Variants in MUSK observed in about 807,000 individuals in gnomAD.
The protein encoded by MUSK is muscle associated receptor tyrosine kinase.
Under a neutral mutation model 88.7 loss-of-function variants are expected in MUSK, and 55 were observed. The ratio of observed to expected loss-of-function variants is 0.62; its 90% CI spans 0.50 to 0.78. MUSK has a LOEUF of 0.78. Among genes scored for constraint, MUSK ranks in the 30% least tolerant of loss-of-function variants. MUSK has a pLI of 0.00. For missense variants in MUSK, 1,015 were observed against 1,074.3 expected (o/e 0.94, Z 0.77); for synonymous variants, 387 against 391.9 (o/e 0.99, Z 0.15).
At chr9:110,782,861 T>A (rs1416404363) in intron 11 of MUSK, among the ~76,000 whole-genome samples, 1 of 152,172 alleles carries the variant, frequency 6.6e-6, no homozygotes, top group Non-Finnish European at 1.5e-5. Flanking sequence ...TCACTGATCT[T>A]GCGCAGATGT....
intron 5 of MUSK, among the ~76,000 whole-genome samples, chr9:110,703,846 T>C (rs929189438): frequency 6.6e-6 from 1 of 152,156 alleles, no homozygotes; most frequent in African/African-American, 2.4e-5. Flanking sequence ...CTTTCCAGCA[T>C]TGATGAAAGA....
chr9:110,708,636 A>G (rs1052025717), intron 5 of MUSK, among the ~76,000 whole-genome samples: 1 of 152,160 alleles, frequency 6.6e-6, no homozygotes, highest in African/African-American at 2.4e-5. Context: ...AGGGGATATT[A>G]TGGTATATTA....
At chr9:110,739,935 G>A (rs2077075870) in intron 6 of MUSK, among the ~76,000 whole-genome samples, 1 of 152,052 alleles carries the variant, frequency 6.6e-6, no homozygotes, top group Non-Finnish European at 1.5e-5. Flanking sequence ...TGGCTGTAGT[G>A]AACATATATT....
At chr9:110,789,452 T>G (rs1307704344) in intron 14 of MUSK, among the ~76,000 whole-genome samples, 1 of 152,202 alleles carries the variant, frequency 6.6e-6, no homozygotes, top group Non-Finnish European at 1.5e-5. Context: ...AGGAACAGGT[T>G]CCTTTAGTGG....
At position 110,669,126 on chromosome 9, in the gene MUSK, G is replaced by A. The variant is rs2075925046; in HGVS notation, c.79+143G>A. On this transcript the variant is annotated intron_variant, in intron 1 of 14. Transcript: ENST00000374448. Reference sequence around the variant, plus strand: ...AAGGGTGAAATGTATGATGAGGGAGGAAATTATATACATAAGCAATTGGTT... The same window carrying A: ...AAGGGTGAAATGTATGATGAGGGAGAAAATTATATACATAAGCAATTGGTT... 3 of 757,322 alleles carry A rather than the reference G, an allele frequency of 4.0e-6. No homozygotes were observed. The East Asian group carries it at 7.4e-5, about 19-fold the overall frequency. The allele number at this position is 757,322 out of a possible 1,614,324, so 46.9% of individuals were successfully genotyped here. A position where few individuals can be genotyped will look rare whatever the true frequency, so the allele number is the denominator to read the frequency against.
chr9:110,747,702 T>C lies in MUSK; in HGVS notation c.815T>C (p.Leu272Pro), dbSNP rs1157131907. 3.1e-6 allele frequency: 5 copies of C among 1,613,696 alleles called. No individual in the cohort carries two copies. The African/African-American group carries it at 6.7e-5, about 22-fold the overall frequency. Residue 272 changes from leucine to proline, a missense_variant, in exon 7 of 15, where the codon CTG (leucine) becomes CCG (proline). Coordinates refer to ENST00000374448, the MANE Select transcript of MUSK (RefSeq NM_005592.4). ...KDRVIDSRLQ[L>P]FITKPGLYTC... Reference sequence around the variant, plus strand: ...CGAGTGATTGACTCAAGACTGCAGCTGTTTATCACCAAGCCAGGACTCTAC... The same window carrying C: ...CGAGTGATTGACTCAAGACTGCAGCCGTTTATCACCAAGCCAGGACTCTAC...
chr9:110,696,268 A>G (rs2076428835), intron 4 of MUSK, among the ~76,000 whole-genome samples: 1 of 147,764 alleles, frequency 6.8e-6, no homozygotes, highest in Non-Finnish European at 1.5e-5. Context: ...ACAGAATGAG[A>G]CTCCATCTCA....
chr9:110,785,539 A>G lies in MUSK; in HGVS notation c.1599A>G (p.Ala533=), dbSNP rs574654471. ...GTCTTGCCTGCAGAGAATCAGCAGC[A>G]GTAACCCTCACCACACTGCCTTCTG... ...QWKNKKRESA[A]VTLTTLPSEL... Residue 533 remains alanine (A), a synonymous_variant, in exon 13 of 15, where the codon GCA becomes GCG. Coordinates refer to ENST00000374448, the MANE Select transcript of MUSK (RefSeq NM_005592.4). 2.3e-5 allele frequency: 37 copies of G among 1,609,364 alleles called. 1 individual carries two copies. Among genetic ancestry groups the G allele is most frequent in the Middle Eastern group, 3.3e-4 (2 of 6,038 alleles).
chr9:110,670,063 T>A (rs2075937672), intron 1 of MUSK, among the ~76,000 whole-genome samples: 1 of 146,514 alleles, frequency 6.8e-6, no homozygotes, highest in African/African-American at 2.7e-5. Flanking sequence ...CACATGCAAA[T>A]AAGATGCGGG....
chr9:110,678,132 G>A (rs961776082), intron 1 of MUSK, among the ~76,000 whole-genome samples: 43 of 152,092 alleles, frequency 2.8e-4, no homozygotes, highest in African/African-American at 9.9e-4. Context: ...TTGTTTTTGA[G>A]ACAAGGTCTT....
At chr9:110,684,078 C>T (rs1036112501) in intron 2 of MUSK, among the ~76,000 whole-genome samples, 2 of 151,980 alleles carry the variant, frequency 1.3e-5, no homozygotes, top group African/African-American at 4.8e-5. Context: ...TGGAGAGTTT[C>T]CCCAATGTTT....
intron 1 of MUSK, among the ~76,000 whole-genome samples, chr9:110,681,017 A>AT (rs1429946096): frequency 5.3e-4 from 13 of 24,350 alleles, no homozygotes; most frequent in African/African-American, 4.2e-3. Context: ...TATATATAAT[A>AT]TATATTATAT....
intron 5 of MUSK, among the ~76,000 whole-genome samples, chr9:110,730,052 G>C (rs1189262749): frequency 6.6e-6 from 1 of 152,048 alleles, no homozygotes; most frequent in Non-Finnish European, 1.5e-5. Flanking sequence ...ATGTGGGTAT[G>C]TTATAAAAGA....
In MUSK at chr9:110,802,640, T is replaced by C. The variant is rs2078111519; in HGVS notation, c.*1652T>C. Among the ~76,000 whole-genome samples the C allele has an allele frequency of 6.6e-6, 1 of 152,162 alleles. No homozygotes were observed. Among genetic ancestry groups the C allele is most frequent in the African/African-American group, 2.4e-5 (1 of 41,448 alleles). ...CTAGACTTTGCCCTCTCTTTCATCA[T>C]CAGTTTTCTATTAGTTTTACTTCCT... On this transcript the variant is annotated 3_prime_UTR_variant, in exon 15 of 15. Transcript: ENST00000374448.
chr9:110,790,192 A>G (rs945420941), intron 14 of MUSK, among the ~76,000 whole-genome samples: 1 of 152,238 alleles, frequency 6.6e-6, no homozygotes, highest in East Asian at 1.9e-4. Context: ...GAGGAGGACT[A>G]TAAAGTGACC....
In MUSK at chr9:110,801,032, T is replaced by C; in HGVS notation, c.*44T>C. The C allele has an allele frequency of 6.9e-7, 1 of 1,455,428 alleles. No individual in the cohort carries two copies. 90.2% of individuals were successfully genotyped at this position (1,455,428 alleles called of 1,614,324 possible). A position where few individuals can be genotyped will look rare whatever the true frequency, so the allele number is the denominator to read the frequency against. ...AAAATGCTGCAGTTTCCTCTCAGAC[T>C]CTGTGAGCCAGGGGAATCCTACACC... On this transcript the variant is annotated 3_prime_UTR_variant, in exon 15 of 15. Coordinates refer to ENST00000374448, the MANE Select transcript of MUSK (RefSeq NM_005592.4).
chr9:110,767,298 G>A (rs568860019), intron 8 of MUSK, among the ~76,000 whole-genome samples: 2 of 152,326 alleles, frequency 1.3e-5, no homozygotes, highest in Non-Finnish European at 2.9e-5. Context: ...AGGAAGATGT[G>A]TGAGTGGGAG....
intron 9 of MUSK, among the ~76,000 whole-genome samples, chr9:110,771,872 C>T (rs1371022824): frequency 6.6e-6 from 1 of 152,104 alleles, no homozygotes; most frequent in Non-Finnish European, 1.5e-5. Context: ...TATTATACCT[C>T]CTAATTATTG....
At chr9:110,725,830 G>T (rs2076876610) in intron 5 of MUSK, among the ~76,000 whole-genome samples, 2 of 151,956 alleles carry the variant, frequency 1.3e-5, no homozygotes. Context: ...TAAAAATTTA[G>T]TAATTAAATG....
Sources: allele counts gnomAD v4.1 joint callset (sites outside exome capture counted in the v4.1 genomes callset), GRCh38; gene constraint gnomAD v4.1.1; transcripts MANE v1.5; gene names NCBI Gene and HGNC (gene_info 2026-07-23, HGNC 2026-07-21).